Variants in MTA1 observed in about 807,000 individuals in gnomAD.
MTA1 encodes metastasis-associated protein MTA1.
MTA1 carries 15 observed loss-of-function variants against 97.0 expected under a neutral mutation model. The observed-to-expected ratio is 0.15, with a 90% CI of 0.10 to 0.24. The LOEUF (loss-of-function observed/expected upper bound fraction) is 0.24, where lower values mean the gene tolerates loss of function less well. MTA1 is among the 10% of genes least tolerant of loss of function. MTA1 has a pLI of 1.00. For missense variants in MTA1, 709 were observed against 1,015.1 expected (o/e 0.70, Z 4.10); for synonymous variants, 435 against 417.5 (o/e 1.04, Z -0.51).
At chr14:105,425,916 G>A (rs1398153977) in intron 1 of MTA1, among the ~76,000 whole-genome samples, 19 of 146,822 alleles carry the variant, frequency 1.3e-4, no homozygotes, top group African/African-American at 3.8e-4. Flanking sequence ...GGCTGCTCCC[G>A]CCTGGGCCAT....
At chr14:105,435,844 A>C (rs1166012311) in intron 1 of MTA1, among the ~76,000 whole-genome samples, 1 of 152,104 alleles carries the variant, frequency 6.6e-6, no homozygotes, top group Non-Finnish European at 1.5e-5. Context: ...AATACTCCTT[A>C]CACCCCTTCT....
In MTA1 at chr14:105,470,426, T is replaced by A. The variant is rs940674695; in HGVS notation, c.*211T>A. On this transcript the variant is annotated 3_prime_UTR_variant, in exon 21 of 21. Coordinates refer to ENST00000331320, the MANE Select transcript of MTA1 (RefSeq NM_004689.4). ...GCCGAGGAGTTGTCGTTTTTAGCTTTGTGTTTACTTTTTGGCTGGAGCGGA... is the reference window on the plus strand; with the variant it reads ...GCCGAGGAGTTGTCGTTTTTAGCTTAGTGTTTACTTTTTGGCTGGAGCGGA... 1 of 495,474 alleles carries A rather than the reference T, an allele frequency of 2.0e-6. No homozygotes were observed. Among genetic ancestry groups the A allele is most frequent in the Non-Finnish European group, 3.4e-6 (1 of 292,770 alleles). The allele number at this position is 495,474 out of a possible 1,614,324, so 30.7% of individuals were successfully genotyped here. A position where few individuals can be genotyped will look rare whatever the true frequency, so the allele number is the denominator to read the frequency against.
chr14:105,460,907 C>G lies in MTA1; in HGVS notation c.896C>G (p.Ala299Gly). 6.2e-7 allele frequency: 1 copy of G among 1,612,744 alleles called. No individual in the cohort carries two copies. Among genetic ancestry groups the G allele is most frequent in the Non-Finnish European group, 8.5e-7 (1 of 1,179,630 alleles). The change falls in exon 10 of 21, where the codon GCC becomes GGC. Residue 299 changes from alanine (A) to glycine (G), a missense_variant. This residue lies in a region of MTA1 where 321 missense variants were observed against 593.5 expected (regional missense o/e 0.54). Transcript: ENST00000331320. ...SASEANLFEE[A>G]LEKYGKDFTD... ...TCAGAGGCCAACCTTTTCGAGGAAG[C>G]CCTGGAAAAATATGGGAAGGATTTC...
At chr14:105,421,874 G>A (rs1353581757) in intron 1 of MTA1, among the ~76,000 whole-genome samples, 3 of 152,228 alleles carry the variant, frequency 2.0e-5, no homozygotes, top group Non-Finnish European at 4.4e-5. Flanking sequence ...GTGCCCGCAG[G>A]CCCGTCCCAG....
chr14:105,454,376 G>A, intron 7 of MTA1, 66 bp downstream of exon 7: 2 of 1,152,300 alleles, frequency 1.7e-6, no homozygotes, highest in Non-Finnish European at 2.6e-6. Context: ...GACACACTGG[G>A]TGAGAGGAGG....
intron 1 of MTA1, 75 bp from the exon 2 acceptor site, chr14:105,438,597 C>T: frequency 7.2e-6 from 10 of 1,381,082 alleles, no homozygotes; most frequent in African/African-American, 1.4e-5. Flanking sequence ...AGCCCCGAGT[C>T]CCTGGGCCAC....
chr14:105,449,358 G>T lies in MTA1; in HGVS notation c.191-1G>T. 2 of 1,612,248 alleles carry T rather than the reference G, an allele frequency of 1.2e-6. No individual in the cohort carries two copies. The highest frequency in any genetic ancestry group is 1.7e-6 in the Non-Finnish European group (2 of 1,179,238). ...CCGGGTGCTGTCTGTCTGTTATATA[G>T]CCCTGTCAGTCTGCTATAAGGCCGG... On this transcript the variant is annotated splice_acceptor_variant, in intron 3 of 20. Coordinates refer to ENST00000331320, the MANE Select transcript of MTA1 (RefSeq NM_004689.4). LOFTEE classifies it high-confidence loss of function.
rs587669776 is a variant in MTA1 at position 105,437,003 on chromosome 14, C to T, written c.29-1669C>T. ...CTTCTGCAGGCTTTTCTGCAGGGAA[C>T]GCTCACTGCTGTGCGTGTCCCCCGG... On this transcript the variant is annotated intron_variant, in intron 1 of 20. Coordinates refer to ENST00000331320, the MANE Select transcript of MTA1 (RefSeq NM_004689.4). 3.9e-5 allele frequency among the ~76,000 whole-genome samples: 6 copies of T among 152,356 alleles called. No homozygotes were observed. The East Asian group carries it at 7.7e-4, about 20-fold the overall frequency.
In MTA1 at chr14:105,422,743, C is replaced by T. The variant is rs1020351939; in HGVS notation, c.28+2680C>T. On this transcript the variant is annotated intron_variant, in intron 1 of 20. Coordinates refer to ENST00000331320, the MANE Select transcript of MTA1 (RefSeq NM_004689.4). The surrounding 1 kb of genome is among the most constrained non-coding windows in gnomAD (Gnocchi z 4.3). ...CGAGGCCCTGCCAGGTTGGGCTAGGCAGGGTGAAGGTGTGGTGGCAGTATT... is the reference window on the plus strand; with the variant it reads ...CGAGGCCCTGCCAGGTTGGGCTAGGTAGGGTGAAGGTGTGGTGGCAGTATT... Among the ~76,000 whole-genome samples the T allele has an allele frequency of 6.6e-6, 1 of 152,168 alleles. No individual in the cohort carries two copies. Among genetic ancestry groups the T allele is most frequent in the Non-Finnish European group, 1.5e-5 (1 of 68,016 alleles).
At chr14:105,469,194 G>A (rs1555433682) in intron 18 of MTA1, 8 of 622,564 alleles carry the variant, frequency 1.3e-5, no homozygotes, top group Middle Eastern at 2.5e-4. Flanking sequence ...CCCTGTGCAG[G>A]GAGGTGACTG....
chr14:105,457,348 CT>C (rs2083190508), intron 7 of MTA1, among the ~76,000 whole-genome samples: 1 of 152,244 alleles, frequency 6.6e-6, no homozygotes, highest in Admixed American at 6.5e-5. Context: ...CCTCCTGGCC[CT>C]GGCCGACTGC....
intron 7 of MTA1, among the ~76,000 whole-genome samples, chr14:105,457,252 C>T (rs1555430103): frequency 1.3e-5 from 2 of 152,244 alleles, no homozygotes; most frequent in Non-Finnish European, 2.9e-5. Context: ...CAGGCTCAGC[C>T]ATGCTCAGAC....
Position 105,420,140 on chromosome 14 carries a change from C to CG in MTA1, c.28+77_28+78insG. 13 of 761,634 alleles carry CG rather than the reference C, an allele frequency of 1.7e-5. No individual in the cohort carries two copies. The highest frequency in any genetic ancestry group is 5.7e-5 in the African/African-American group (3 of 52,212). The allele number at this position is 761,634 out of a possible 1,614,324, so 47.2% of individuals were successfully genotyped here. On this transcript the variant is annotated intron_variant, in intron 1 of 20. Coordinates refer to ENST00000331320, the MANE Select transcript of MTA1 (RefSeq NM_004689.4). This position sits in a 1 kb window ranked among gnomAD's most constrained non-coding sequence, Gnocchi z 5.3. ...CCGCCGCCGCTGCCGCCTCCCCCGCCCCTCTGCCCCGCAGGCCCCGCGCCC... is the reference window on the plus strand; with the variant it reads ...CCGCCGCCGCTGCCGCCTCCCCCGCCGCCTCTGCCCCGCAGGCCCCGCGCCC...
Position 105,470,078 on chromosome 14 carries a change from C to T in MTA1, c.2011C>T (p.Leu671=). The change falls in exon 21 of 21, where the codon CTG becomes TTG. Residue 671 remains leucine (L), a synonymous_variant. Transcript: ENST00000331320. Reference sequence around the variant, plus strand: ...CTCTGCCCACAGGAAGATCCGCAAGCTGCTCTCATCCTCGGAAACCAAGCG... The same window carrying T: ...CTCTGCCCACAGGAAGATCCGCAAGTTGCTCTCATCCTCGGAAACCAAGCG... The part of the protein sequence containing the change: ...ATEETRKIRK[L]LSSSETKRAA... The T allele has an allele frequency of 6.2e-7, 1 of 1,612,642 alleles. No homozygotes were observed. Among genetic ancestry groups the T allele is most frequent in the East Asian group, 2.2e-5 (1 of 44,878 alleles).
At position 105,431,070 on chromosome 14, in the gene MTA1, C is replaced by T. The variant is rs587727483; in HGVS notation, c.29-7602C>T. On this transcript the variant is annotated intron_variant, in intron 1 of 20. Transcript: ENST00000331320. Reference sequence around the variant, plus strand: ...GGGTTTCTCCCTACCAGCAGCCAGTCGGTTATCCAGTGATTTAACCCAATT... The same window carrying T: ...GGGTTTCTCCCTACCAGCAGCCAGTTGGTTATCCAGTGATTTAACCCAATT... Among the ~76,000 whole-genome samples, 34 of 152,276 alleles carry T rather than the reference C, an allele frequency of 2.2e-4. No individual in the cohort carries two copies. In the South Asian group the frequency reaches 2.9e-3, roughly 13 times the overall value.
intron 18 of MTA1, chr14:105,467,680 G>A (rs587732082): frequency 1.1e-5 from 4 of 360,218 alleles, no homozygotes; most frequent in East Asian, 7.7e-5. Context: ...CCTTTCCTGG[G>A]GCACCCTCCC....
At chr14:105,449,260 G>GC in intron 3 of MTA1, 99 bp from the exon 4 acceptor site, 2 of 1,295,810 alleles carry the variant, frequency 1.5e-6, no homozygotes, top group Non-Finnish European at 2.1e-6. Flanking sequence ...GTTCTGCCCT[G>GC]CCCCCTGGCG....
chr14:105,469,554 G>A (rs147309937), intron 19 of MTA1, 56 bp downstream of exon 19: 2 of 1,594,248 alleles, frequency 1.3e-6, no homozygotes, highest in East Asian at 2.2e-5. Context: ...GCTCTCTGGG[G>A]TGTTGGGAAG....
chr14:105,449,593 C>T (rs1278796140), intron 4 of MTA1, among the ~76,000 whole-genome samples, 184 bp downstream of exon 4: 2 of 152,210 alleles, frequency 1.3e-5, no homozygotes, highest in East Asian at 1.9e-4. Flanking sequence ...GGTGCGGCCC[C>T]GGCCTGAGGG....
Sources: gnomAD v4.1 joint callset for allele counts (sites outside exome capture counted in the v4.1 genomes callset) on GRCh38, gnomAD v4.1.1 for gene constraint, gnomAD v4.1.1 regional missense constraint, Gnocchi (gnomAD v3.1) non-coding constraint, MANE v1.5 for transcripts, NCBI Gene and HGNC (gene_info 2026-07-23, HGNC 2026-07-21) for gene names.